EIF5A2: variants seen among roughly 807,000 people sequenced by gnomAD.
EIF5A2 encodes eukaryotic translation initiation factor 5A2, also known as eukaryotic translation initiation factor 5A-2.
EIF5A2 carries 15 observed loss-of-function variants against 16.4 expected under a neutral mutation model. The ratio of observed to expected loss-of-function variants is 0.92; its 90% CI spans 0.61 to 1.41. The LOEUF (loss-of-function observed/expected upper bound fraction) is 1.41. EIF5A2 is among the 40% of genes most tolerant of loss of function. The pLI is 0.00. For missense variants in EIF5A2, 144 were observed against 189.5 expected (o/e 0.76, Z 1.41); for synonymous variants, 48 against 61.1 (o/e 0.79, Z 1.00).
chr3:170,905,523 G>A (rs1424001729), intron 3 of EIF5A2, among the ~76,000 whole-genome samples: 1 of 152,198 alleles, frequency 6.6e-6, no homozygotes, highest in East Asian at 1.9e-4. Context: ...AAGACGAAAA[G>A]AGAAACCCAA....
chr3:170,888,681 T>C lies in EIF5A2; in HGVS notation c.*4679A>G, dbSNP rs1712445660. 6.6e-6 allele frequency: 1 copy of C among 152,234 alleles called. No homozygotes were observed. Among genetic ancestry groups the C allele is most frequent in the African/African-American group, 2.4e-5 (1 of 41,334 alleles). The allele number at this position is 152,234 out of a possible 1,614,324, so 9.4% of individuals were successfully genotyped here. A position where few individuals can be genotyped will look rare whatever the true frequency, so the allele number is the denominator to read the frequency against. On this transcript the variant is annotated 3_prime_UTR_variant, in exon 5 of 5. Transcript: ENST00000295822. ...GTAAAAGCAATAGTTCTCCTGTATC[T>C]AAGAAAAAAAAATGTATTACTAAAA...
chr3:170,906,200 A>T (rs1712932888), intron 3 of EIF5A2, among the ~76,000 whole-genome samples: 1 of 152,196 alleles, frequency 6.6e-6, no homozygotes, highest in Non-Finnish European at 1.5e-5. Context: ...AATGAGTTTG[A>T]TATATGGTAT....
At position 170,907,681 on chromosome 3, in the gene EIF5A2, C is replaced by G. The variant is rs776545602; in HGVS notation, c.126G>C (p.Glu42Asp). 30 of 1,608,092 alleles carry G rather than the reference C, an allele frequency of 1.9e-5. No individual in the cohort carries two copies. The highest frequency in any genetic ancestry group is 2.5e-5 in the Non-Finnish European group (29 of 1,175,340). ...VLKGRPCKIV[E>D]MSTSKTGKHG... ...GCTTTCCAGTTTTGGAAGTTGACATCTCCACTATTTTGCATGGTCGTCCTT... is the reference window on the plus strand; with the variant it reads ...GCTTTCCAGTTTTGGAAGTTGACATGTCCACTATTTTGCATGGTCGTCCTT... The change falls in exon 2 of 5, where the codon GAG becomes GAC. Residue 42 changes from glutamate to aspartate, a missense_variant. By Grantham distance (45) the Glu-to-Asp change is conservative. Transcript: ENST00000295822.
chr3:170,905,548 T>C (rs1047188106), intron 3 of EIF5A2, among the ~76,000 whole-genome samples: 2 of 152,272 alleles, frequency 1.3e-5, no homozygotes, highest in African/African-American at 4.8e-5. Flanking sequence ...GACAACATTC[T>C]ACGCTCAACT....
At chr3:170,894,145 T>A in intron 4 of EIF5A2, 147 bp downstream of exon 4, 1 of 875,936 alleles carries the variant, frequency 1.1e-6, no homozygotes, top group South Asian at 2.1e-5. Context: ...CTCTAAGGGT[T>A]TTATGGAAAA....
intron 1 of EIF5A2, among the ~76,000 whole-genome samples, 196 bp downstream of exon 1, chr3:170,908,347 T>C (rs928425667): frequency 1.6e-4 from 25 of 152,266 alleles, no homozygotes; most frequent in African/African-American, 6.0e-4. Context: ...TCTGCCGGCA[T>C]CCAGGGCTCA....
chr3:170,902,498 G>A (rs1712842297), intron 3 of EIF5A2, among the ~76,000 whole-genome samples: 1 of 146,608 alleles, frequency 6.8e-6, no homozygotes, highest in Non-Finnish European at 1.5e-5. Context: ...CCACCTCCCA[G>A]GTTCAATCGA....
chr3:170,899,605 C>T (rs1560010115), intron 3 of EIF5A2, among the ~76,000 whole-genome samples: 1 of 151,930 alleles, frequency 6.6e-6, no homozygotes, highest in Non-Finnish European at 1.5e-5. Context: ...AGTATCCTAT[C>T]AGGAGGCAAA....
At position 170,907,827 on chromosome 3, in the gene EIF5A2, G is replaced by C; in HGVS notation, c.-21C>G. On this transcript the variant is annotated 5_prime_UTR_variant, in exon 2 of 5. Transcript: ENST00000295822. The stretch of plus-strand genomic sequence containing the variant: ...GCCATGGTGGGCAGGGGAGATGGTA[G>C]TTTTTCCGTGGGAACTACACAAAAA... The C allele has an allele frequency of 6.6e-7, 1 of 1,517,044 alleles. No individual in the cohort carries two copies. The highest frequency in any genetic ancestry group is 8.9e-7 in the Non-Finnish European group (1 of 1,120,170). 94.0% of individuals were successfully genotyped at this position (1,517,044 alleles called of 1,614,324 possible).
chr3:170,900,420 T>C (rs907010628), intron 3 of EIF5A2, among the ~76,000 whole-genome samples: 2 of 134,148 alleles, frequency 1.5e-5, no homozygotes, highest in Non-Finnish European at 3.3e-5. Flanking sequence ...CCTACTAAAA[T>C]ATTCTAGGGC....
chr3:170,894,030 CA>C (rs200594446), intron 4 of EIF5A2, among the ~76,000 whole-genome samples: 1,776 of 106,784 alleles, frequency 0.017, 21 homozygotes, highest in Admixed American at 0.043. Context: ...GACTCCGTCT[CA>C]AAAAAAAAAA....
At chr3:170,893,752 G>A (rs1712592333) in intron 4 of EIF5A2, among the ~76,000 whole-genome samples, 1 of 152,154 alleles carries the variant, frequency 6.6e-6, no homozygotes, top group Non-Finnish European at 1.5e-5. Context: ...ATAGCTCAGG[G>A]CTGGGCGCCT....
chr3:170,894,637 C>T (rs1712622413), intron 3 of EIF5A2, among the ~76,000 whole-genome samples: 1 of 152,006 alleles, frequency 6.6e-6, no homozygotes, highest in African/African-American at 2.4e-5. Flanking sequence ...CATACCCAAT[C>T]TCTGCCTTGT....
chr3:170,902,439 C>T (rs11710968), intron 3 of EIF5A2, among the ~76,000 whole-genome samples: 7,592 of 124,094 alleles, frequency 0.061, 347 homozygotes, highest in East Asian at 0.21. Context: ...GAGTCTTGCT[C>T]TGTCACCAGG....
chr3:170,901,977 A>G (rs377236066), intron 3 of EIF5A2, among the ~76,000 whole-genome samples: 5 of 152,186 alleles, frequency 3.3e-5, no homozygotes, highest in African/African-American at 1.2e-4. Flanking sequence ...GCCTAAGCAA[A>G]TAACACCACC....
chr3:170,894,241 C>G, intron 4 of EIF5A2, 51 bp downstream of exon 4: 1 of 1,591,844 alleles, frequency 6.3e-7, no homozygotes, highest in Non-Finnish European at 8.6e-7. Context: ...TAGTTGAGGT[C>G]AAAGTTTTTA....
At chr3:170,905,361 A>G (rs1448005958) in intron 3 of EIF5A2, among the ~76,000 whole-genome samples, 1 of 152,236 alleles carries the variant, frequency 6.6e-6, no homozygotes, top group Non-Finnish European at 1.5e-5. Flanking sequence ...TTGAGCTCCA[A>G]TCAATGACTG....
chr3:170,896,307 TTA>T (rs558556102), intron 3 of EIF5A2, among the ~76,000 whole-genome samples: 186 of 152,312 alleles, frequency 1.2e-3, no homozygotes, highest in African/African-American at 4.4e-3. Context: ...TTAAATACAA[TTA>T]GTTTTCAAAA....
chr3:170,896,455 G>A (rs1227673002), intron 3 of EIF5A2, among the ~76,000 whole-genome samples: 1 of 152,176 alleles, frequency 6.6e-6, no homozygotes, highest in Non-Finnish European at 1.5e-5. Context: ...CTGGTGGGAC[G>A]CAATTGGATC....
Sources: gnomAD v4.1 joint callset for allele counts (sites outside exome capture counted in the v4.1 genomes callset) on GRCh38, gnomAD v4.1.1 for gene constraint, MANE v1.5 for transcripts, NCBI Gene and HGNC (gene_info 2026-07-23, HGNC 2026-07-21) for gene names.